CNTNAP5: variants seen among roughly 807,000 people sequenced by gnomAD.
CNTNAP5 encodes the protein contactin-associated protein-like 5.
CNTNAP5 carries 72 observed loss-of-function variants against 150.2 expected under a neutral mutation model. The observed-to-expected ratio is 0.48, with a 90% CI of 0.40 to 0.58. The LOEUF is 0.58. Ranked by LOEUF, CNTNAP5 falls within the 20% of genes least tolerant of loss-of-function variation. The pLI, the probability that CNTNAP5 is intolerant of heterozygous loss-of-function variation, is 0.00. For missense variants in CNTNAP5, 1,636 were observed against 1,626.2 expected (o/e 1.01, Z -0.10); for synonymous variants, 672 against 619.8 (o/e 1.08, Z -1.25).
At chr2:124,321,919 G>A (rs1161894218) in intron 3 of CNTNAP5, among the ~76,000 whole-genome samples, 1 of 152,158 alleles carries the variant, frequency 6.6e-6, no homozygotes, top group Non-Finnish European at 1.5e-5. Flanking sequence ...GGAAGCCAAG[G>A]TGGGTGGATC....
intron 19 of CNTNAP5, among the ~76,000 whole-genome samples, chr2:124,828,710 C>T (rs191827249): frequency 2.6e-5 from 3 of 114,098 alleles, no homozygotes; most frequent in Non-Finnish European, 5.0e-5. Context: ...CTACTATATG[C>T]CTTGCAGACC....
intron 1 of CNTNAP5, among the ~76,000 whole-genome samples, chr2:124,142,586 A>G (rs1437046104): frequency 7.3e-6 from 1 of 137,298 alleles, no homozygotes; most frequent in African/African-American, 2.8e-5. Context: ...GTTCTTTGAA[A>G]CCAACGAGAA....
intron 7 of CNTNAP5, among the ~76,000 whole-genome samples, chr2:124,482,533 G>A (rs1418227760): frequency 1.3e-5 from 2 of 152,172 alleles, no homozygotes; most frequent in East Asian, 3.9e-4. Flanking sequence ...TACAAGGCTG[G>A]GCAGATCCGT....
At chr2:124,100,729 G>T (rs1314526087) in intron 1 of CNTNAP5, among the ~76,000 whole-genome samples, 1 of 152,024 alleles carries the variant, frequency 6.6e-6, no homozygotes, top group African/African-American at 2.4e-5. Context: ...GCCAGGCATG[G>T]TGGCATGTGC....
chr2:124,224,171 T>C (rs1167570269), intron 2 of CNTNAP5, among the ~76,000 whole-genome samples: 4 of 152,120 alleles, frequency 2.6e-5, no homozygotes, highest in Non-Finnish European at 5.9e-5. Flanking sequence ...TCCAGGTCAT[T>C]CTAAAATGGA....
intron 3 of CNTNAP5, among the ~76,000 whole-genome samples, chr2:124,304,121 A>T (rs1171322642): frequency 6.6e-6 from 1 of 152,210 alleles, no homozygotes; most frequent in African/African-American, 2.4e-5. Context: ...CTCAAGACAA[A>T]GGCTCTAACT....
At chr2:124,206,270 C>T (rs985383255) in intron 1 of CNTNAP5, among the ~76,000 whole-genome samples, 3 of 152,140 alleles carry the variant, frequency 2.0e-5, no homozygotes, top group African/African-American at 4.8e-5. Flanking sequence ...ACACCTAACC[C>T]TATGAGTTAA....
At position 124,919,101 on chromosome 2, in the gene CNTNAP5, C is replaced by A. The variant is rs1231324457; in HGVS notation, c.*4813C>A. ...GCCTTCACAAATTCCAAATTTGAACCACCTAAAGGGGAAAAAATGCAACAC... is the reference window on the plus strand; with the variant it reads ...GCCTTCACAAATTCCAAATTTGAACAACCTAAAGGGGAAAAAATGCAACAC... On this transcript the variant is annotated 3_prime_UTR_variant, in exon 24 of 24. Transcript: ENST00000682447. 3.3e-5 allele frequency among the ~76,000 whole-genome samples: 5 copies of A among 151,998 alleles called. No individual in the cohort carries two copies. Among genetic ancestry groups the A allele is most frequent in the Admixed American group, 6.6e-5 (1 of 15,232 alleles).
rs1553430171 is a variant in CNTNAP5, at chr2:124,674,509, C to CTTTCTTTCTTTCTT, written c.2077+26552_2077+26553insTTCTTTCTTTCTTT. 4.8e-3 allele frequency among the ~76,000 whole-genome samples: 550 copies of CTTTCTTTCTTTCTT among 115,434 alleles called. 8 individuals carry two copies. The highest frequency in any genetic ancestry group is 5.6e-3 in the Non-Finnish European group (309 of 55,112). The allele number at this position is 115,434 out of a possible 152,430, so 75.7% of individuals were successfully genotyped here. On this transcript the variant is annotated intron_variant, in intron 13 of 23. Transcript: ENST00000682447. ...CCCTCTCTACTTCCTTTCTTTCTTTCTCTTTCTTTCTTTCTTTCTTTCTTT... is the reference window on the plus strand; with the variant it reads ...CCCTCTCTACTTCCTTTCTTTCTTTCTTTCTTTCTTTCTTTCTTTCTTTCTTTCTTTCTTTCTTT...
At chr2:124,591,902 A>C (rs1207321329) in intron 11 of CNTNAP5, among the ~76,000 whole-genome samples, 1 of 152,132 alleles carries the variant, frequency 6.6e-6, no homozygotes, top group African/African-American at 2.4e-5. Flanking sequence ...CTTTATAAAA[A>C]TGCTGTTTTC....
rs1054614220 is a variant in CNTNAP5 at position 124,665,977 on chromosome 2, A to G, written c.2077+18019A>G. Among the ~76,000 whole-genome samples, 5 of 152,168 alleles carry G rather than the reference A, an allele frequency of 3.3e-5. No individual in the cohort carries two copies. The South Asian group carries it at 6.2e-4, about 19-fold the overall frequency. On this transcript the variant is annotated intron_variant, in intron 13 of 23. Transcript: ENST00000682447. ...GTGGCCTCTGAAATAGTGTTCATAC[A>G]TGTGTTTTTGTGTACATGTATTTTT...
At chr2:124,622,480 A>G (rs1347952954) in intron 12 of CNTNAP5, among the ~76,000 whole-genome samples, 2 of 152,120 alleles carry the variant, frequency 1.3e-5, no homozygotes, top group Non-Finnish European at 1.5e-5. Context: ...CTTTGGGTAT[A>G]TAACCGGTAA....
intron 1 of CNTNAP5, among the ~76,000 whole-genome samples, chr2:124,038,099 G>A (rs1343485063): frequency 6.6e-6 from 1 of 152,124 alleles, no homozygotes; most frequent in Non-Finnish European, 1.5e-5. Flanking sequence ...GGTTAGGTTT[G>A]ACAAGTGTAT....
chr2:124,047,909 CAG>C (rs980213941), intron 1 of CNTNAP5, among the ~76,000 whole-genome samples: 26 of 152,268 alleles, frequency 1.7e-4, no homozygotes, highest in African/African-American at 5.8e-4. Context: ...CTGGTGCTCT[CAG>C]TGTCTTTATA....
intron 14 of CNTNAP5, among the ~76,000 whole-genome samples, chr2:124,761,022 T>C (rs1680945628): frequency 1.3e-5 from 2 of 152,124 alleles, no homozygotes; most frequent in Admixed American, 6.6e-5. Context: ...TCTTACTACA[T>C]ACAACACAAT....
At chr2:124,235,558 G>A (rs1479893375) in intron 2 of CNTNAP5, among the ~76,000 whole-genome samples, 5 of 152,114 alleles carry the variant, frequency 3.3e-5, no homozygotes, top group Non-Finnish European at 5.9e-5. Context: ...ATCCCACTGG[G>A]ATGAAACTCA....
intron 3 of CNTNAP5, among the ~76,000 whole-genome samples, chr2:124,249,455 G>A (rs531557891): frequency 1.3e-5 from 2 of 152,172 alleles, no homozygotes; most frequent in South Asian, 4.1e-4. Context: ...TGCACAACTT[G>A]GTCTCCACAA....
At chr2:124,412,949 A>C (rs1463441848) in intron 3 of CNTNAP5, among the ~76,000 whole-genome samples, 2 of 89,946 alleles carry the variant, frequency 2.2e-5, no homozygotes, top group Admixed American at 1.3e-4. Flanking sequence ...AGACAACCTA[A>C]AAAATGGGAG....
intron 19 of CNTNAP5, among the ~76,000 whole-genome samples, chr2:124,819,951 G>T (rs367704377): frequency 2.0e-5 from 3 of 152,074 alleles, no homozygotes; most frequent in Middle Eastern, 3.2e-3. Context: ...CAGCATTTTA[G>T]CCTGGTTGGT....
Sources: allele counts gnomAD v4.1 joint callset (sites outside exome capture counted in the v4.1 genomes callset), GRCh38; gene constraint gnomAD v4.1.1; transcripts MANE v1.5; gene names NCBI Gene and HGNC (gene_info 2026-07-23, HGNC 2026-07-21).